CD33: variants seen among roughly 807,000 people sequenced by gnomAD.
The protein encoded by CD33 is CD33 molecule.
CD33 carries 25 observed loss-of-function variants against 31.4 expected under a neutral mutation model. The observed-to-expected ratio is 0.80, with a 90% CI of 0.58 to 1.11. The LOEUF (loss-of-function observed/expected upper bound fraction) is 1.11. Ranked by LOEUF, CD33 falls within the 50% of genes most tolerant of loss-of-function variation. The pLI is 0.00. For synonymous variants in CD33, 176 were observed against 180.6 expected (o/e 0.97, Z 0.20); for missense variants, 407 against 448.1 (o/e 0.91, Z 0.83).
At chr19:51,226,169 C>A in intron 3 of CD33, 88 bp downstream of exon 3, 1 of 1,545,828 alleles carries the variant, frequency 6.5e-7, no homozygotes, top group Non-Finnish European at 8.9e-7. Flanking sequence ...GTCCTGGAGG[C>A]CTGGCTGAGT....
At chr19:51,211,496 G>A in the CD33 span, 4 of 1,553,346 alleles carry the variant, frequency 2.6e-6, no homozygotes, top group Non-Finnish European at 2.6e-6. Flanking sequence ...GTAGACGCCA[G>A]GAGGAGGGAT....
chr19:51,212,192 C>T, the CD33 span: 8 of 387,794 alleles, frequency 2.1e-5, no homozygotes, highest in Non-Finnish European at 3.5e-5. Context: ...GAGTAGAAGA[C>T]CTAGGCCACA....
At chr19:51,234,369 T>TG (rs1036808405) in intron 4 of CD33, among the ~76,000 whole-genome samples, 5 of 152,202 alleles carry the variant, frequency 3.3e-5, no homozygotes, top group African/African-American at 1.2e-4. Context: ...TATAATGACA[T>TG]GAATCCACCA....
At chr19:51,235,037 A>T in intron 4 of CD33, 120 bp from the exon 5 acceptor site, 1 of 705,538 alleles carries the variant, frequency 1.4e-6, no homozygotes. Flanking sequence ...ATGGGTGGGA[A>T]GATCTAGGAG....
the CD33 span, among the ~76,000 whole-genome samples, chr19:51,217,573 C>G: frequency 6.6e-6 from 1 of 152,040 alleles, no homozygotes; most frequent in African/African-American, 2.4e-5. Flanking sequence ...CCACACCCAG[C>G]TAATTTTTGT....
At chr19:51,235,937 T>C (rs2123305256) in intron 6 of CD33, 1 of 698,198 alleles carries the variant, frequency 1.4e-6, no homozygotes, top group East Asian at 2.7e-5. Context: ...GGCGGGCGGA[T>C]CACGAGGTCA....
At chr19:51,231,549 A>T (rs1981412015) in intron 4 of CD33, among the ~76,000 whole-genome samples, 1 of 147,824 alleles carries the variant, frequency 6.8e-6, no homozygotes, top group East Asian at 2.0e-4. Flanking sequence ...ATTGTTTTAT[A>T]TATTCCTGGT....
intron 4 of CD33, among the ~76,000 whole-genome samples, chr19:51,231,829 G>A (rs1981448941): frequency 6.6e-6 from 1 of 151,986 alleles, no homozygotes; most frequent in Non-Finnish European, 1.5e-5. Flanking sequence ...CATGATCACG[G>A]CTCACTATAG....
chr19:51,233,308 T>C (rs1981550438), intron 4 of CD33, among the ~76,000 whole-genome samples: 1 of 152,222 alleles, frequency 6.6e-6, no homozygotes, highest in South Asian at 2.1e-4. Flanking sequence ...GCCAACTCAA[T>C]TGTGTGTTCG....
chr19:51,236,452 A>G (rs1272455841), intron 6 of CD33: 1 of 155,528 alleles, frequency 6.4e-6, no homozygotes, highest in Non-Finnish European at 1.4e-5. Flanking sequence ...TGTGGTCTGG[A>G]GTGTAAGAGC....
In CD33 at chr19:51,225,909, G is replaced by A. The variant is rs571230664; in HGVS notation, c.525G>A (p.Pro175=). The change falls in exon 3 of 7, where the codon CCG becomes CCA. Residue 175 remains proline (P), a synonymous_variant. Transcript: ENST00000262262. ...VSWACEQGTP[P]IFSWLSAAPT... Reference sequence around the variant, plus strand: ...GGGCCTGTGAGCAGGGAACACCCCCGATCTTCTCCTGGTTGTCAGCTGCCC... The same window carrying A: ...GGGCCTGTGAGCAGGGAACACCCCCAATCTTCTCCTGGTTGTCAGCTGCCC... 43 of 1,613,830 alleles carry A rather than the reference G, an allele frequency of 2.7e-5. No homozygotes were observed. The highest frequency in any genetic ancestry group is 3.2e-5 in the Non-Finnish European group (38 of 1,180,002).
chr19:51,239,604 G>C lies in CD33; in HGVS notation c.1011G>C (p.Glu337Asp). 6.2e-7 allele frequency: 1 copy of C among 1,613,856 alleles called. No individual in the cohort carries two copies. The highest frequency in any genetic ancestry group is 8.5e-7 in the Non-Finnish European group (1 of 1,179,884). Residue 337 changes from glutamate to aspartate, a missense_variant, in exon 7 of 7, where the codon GAG becomes GAC. Physicochemically the swap from Glu to Asp is conservative, Grantham distance 45. Coordinates refer to ENST00000262262, the MANE Select transcript of CD33 (RefSeq NM_001772.4). Reference sequence around the variant, plus strand: ...CCCCTACTGTGGAGATGGATGAGGAGCTGCATTATGCTTCCCTCAACTTTC... The same window carrying C: ...CCCCTACTGTGGAGATGGATGAGGACCTGCATTATGCTTCCCTCAACTTTC... ...GAAPTVEMDE[E>D]LHYASLNFHG...
chr19:51,214,251 T>A, the CD33 span, among the ~76,000 whole-genome samples: 1 of 144,976 alleles, frequency 6.9e-6, no homozygotes, highest in Non-Finnish European at 1.5e-5. Flanking sequence ...CAGGCTGGAG[T>A]GCAATGGCAT....
At chr19:51,214,405 T>C in the CD33 span, among the ~76,000 whole-genome samples, 320 of 150,396 alleles carry the variant, frequency 2.1e-3, 2 homozygotes, top group Non-Finnish European at 3.9e-3. Context: ...ACCATGTTGG[T>C]CAGGCTGGTC....
Position 51,226,016 on chromosome 19 carries a change from C to T in CD33, c.632C>T (p.Thr211Ile). 6.2e-7 allele frequency: 1 copy of T among 1,614,118 alleles called. No individual in the cohort carries two copies. Among genetic ancestry groups the T allele is most frequent in the South Asian group, 1.1e-5 (1 of 91,080 alleles). ...PRPQDHGTNL[T>I]CQVKFAGAGV... ...CCCCAGGACCACGGCACCAACCTGA[C>T]CTGTCAGGTGAAGTTCGCTGGAGCT... The change falls in exon 3 of 7, where the codon ACC (threonine) becomes ATC (isoleucine). Residue 211 changes from threonine to isoleucine, a missense_variant. Transcript: ENST00000262262.
intron 6 of CD33, chr19:51,238,896 G>A (rs1184724333): frequency 6.6e-6 from 1 of 152,342 alleles, no homozygotes; most frequent in Non-Finnish European, 1.5e-5. Flanking sequence ...CCCTGTTTGT[G>A]TAGGGCTTTG....
At position 51,225,165 on chromosome 19, in the gene CD33, T is replaced by C; in HGVS notation, c.37+10T>C. ...CCCCTGCTGTGGGCAGGTGAGTGGC[T>C]GTGGGGAGAGGGGTTGTCGGGCTGG... is the stretch of plus-strand genomic sequence containing the variant. On this transcript the variant is annotated intron_variant, in intron 1 of 6. Transcript: ENST00000262262. 4 of 1,614,054 alleles carry C rather than the reference T, an allele frequency of 2.5e-6. No individual in the cohort carries two copies. The highest frequency in any genetic ancestry group is 3.4e-6 in the Non-Finnish European group (4 of 1,179,972).
chr19:51,228,773 G>T (rs1041044593), intron 4 of CD33, among the ~76,000 whole-genome samples: 1 of 152,136 alleles, frequency 6.6e-6, no homozygotes, highest in African/African-American at 2.4e-5. Context: ...GCCCACTTTG[G>T]CCTCCTAAAG....
At chr19:51,229,758 T>G (rs574375660) in intron 4 of CD33, among the ~76,000 whole-genome samples, 14 of 152,092 alleles carry the variant, frequency 9.2e-5, no homozygotes, top group Non-Finnish European at 1.9e-4. Flanking sequence ...ATTTATGATT[T>G]TATTAATTTT....
Sources: gnomAD v4.1 joint callset for allele counts (sites outside exome capture counted in the v4.1 genomes callset) on GRCh38, gnomAD v4.1.1 for gene constraint, MANE v1.5 for transcripts, NCBI Gene and HGNC (gene_info 2026-07-23, HGNC 2026-07-21) for gene names.